Variants in ADISSP observed in about 807,000 individuals in gnomAD.
The protein encoded by ADISSP is adipose-secreted signaling protein.
At chr20:3,758,109 T>G in the ADISSP span, among the ~76,000 whole-genome samples, 1 of 152,236 alleles carries the variant, frequency 6.6e-6, no homozygotes, top group Non-Finnish European at 1.5e-5. This position sits in a 1 kb window ranked among gnomAD's most constrained non-coding sequence, Gnocchi z 5.5. Context: ...ATTGCCATAG[T>G]TAGCTTCACA....
At chr20:3,763,624 C>T in the ADISSP span, among the ~76,000 whole-genome samples, 1 of 151,202 alleles carries the variant, frequency 6.6e-6, no homozygotes, top group Non-Finnish European at 1.5e-5. Context: ...TGAGGTAACA[C>T]TAAGAAATGA....
At chr20:3,767,357 G>T in the ADISSP span, 1 of 152,332 alleles carries the variant, frequency 6.6e-6, no homozygotes, top group Non-Finnish European at 1.5e-5. Context: ...TGGGGAGGAG[G>T]GGGCGCTGAC....
the ADISSP span, chr20:3,754,175 A>T: frequency 1.9e-6 from 3 of 1,599,128 alleles, no homozygotes; most frequent in Non-Finnish European, 2.6e-6. Context: ...GGCAGGGTGC[A>T]AGTCAGTGCC....
At chr20:3,759,431 C>T in the ADISSP span, among the ~76,000 whole-genome samples, 2 of 152,252 alleles carry the variant, frequency 1.3e-5, no homozygotes, top group South Asian at 2.1e-4. The surrounding 1 kb of genome is among the most constrained non-coding windows in gnomAD (Gnocchi z 4.6). Context: ...AGGCGGGAGC[C>T]GAGCTGAAGG....
At chr20:3,754,036 G>A in the ADISSP span, 532 of 1,579,540 alleles carry the variant, frequency 3.4e-4, no homozygotes, top group Non-Finnish European at 4.0e-4. Context: ...TGAGGGGCCC[G>A]GGGCAGGCGG....
the ADISSP span, chr20:3,754,611 G>A: frequency 6.7e-6 from 9 of 1,335,770 alleles, no homozygotes; most frequent in East Asian, 1.9e-4. Flanking sequence ...CCACCATGGG[G>A]GGACTGCATG....
chr20:3,760,177 C>T, the ADISSP span: 1 of 1,232,456 alleles, frequency 8.1e-7, no homozygotes, highest in Non-Finnish European at 1.2e-6. Context: ...CCAGGGACAC[C>T]AGCGGGAGCC....
chr20:3,767,883 C>A, the ADISSP span: 1 of 152,240 alleles, frequency 6.6e-6, no homozygotes, highest in Non-Finnish European at 1.5e-5. Flanking sequence ...TGGCGAGGGC[C>A]GCCTACGTCA....
the ADISSP span, among the ~76,000 whole-genome samples, chr20:3,754,988 G>A: frequency 6.6e-6 from 1 of 152,146 alleles, no homozygotes; most frequent in African/African-American, 2.4e-5. Context: ...ACTGAAGCTG[G>A]AGCTCCACGA....
At chr20:3,765,574 C>G in the ADISSP span, among the ~76,000 whole-genome samples, 1 of 152,214 alleles carries the variant, frequency 6.6e-6, no homozygotes, top group Non-Finnish European at 1.5e-5. Context: ...GGCCTGGTTT[C>G]TAAAGCAACA....
chr20:3,764,931 T>C, the ADISSP span, among the ~76,000 whole-genome samples: 3 of 152,204 alleles, frequency 2.0e-5, no homozygotes, highest in South Asian at 2.1e-4. Flanking sequence ...CTGGGACTCC[T>C]CAGGCCTTGC....
At chr20:3,759,950 C>T in the ADISSP span, 1 of 1,435,774 alleles carries the variant, frequency 7.0e-7, no homozygotes, top group Non-Finnish European at 9.7e-7. This position sits in a 1 kb window ranked among gnomAD's most constrained non-coding sequence, Gnocchi z 4.6. Context: ...CATTCGCACA[C>T]CAGCACACAC....
At chr20:3,755,610 ACAG>A in the ADISSP span, 1 of 1,589,360 alleles carries the variant, frequency 6.3e-7, no homozygotes, top group South Asian at 1.1e-5. Context: ...AAGCCAACCT[ACAG>A]CAGGAGAGGT....
the ADISSP span, chr20:3,760,045 G>T: frequency 1.2e-6 from 2 of 1,613,248 alleles, no homozygotes; most frequent in African/African-American, 2.7e-5. Context: ...CACCGGAAGA[G>T]CTTGTGCAAG....
chr20:3,754,507 T>G, the ADISSP span: 1 of 1,613,834 alleles, frequency 6.2e-7, no homozygotes, highest in South Asian at 1.1e-5. Context: ...GTACTCACAC[T>G]TGACACTATA....
chr20:3,758,348 T>G, the ADISSP span, among the ~76,000 whole-genome samples: 3 of 152,178 alleles, frequency 2.0e-5, no homozygotes, highest in Non-Finnish European at 2.9e-5. The surrounding 1 kb of genome is among the most constrained non-coding windows in gnomAD (Gnocchi z 5.5). Context: ...TTGATCTGGA[T>G]GACATTCTAA....
At chr20:3,764,881 G>T in the ADISSP span, among the ~76,000 whole-genome samples, 1 of 152,342 alleles carries the variant, frequency 6.6e-6, no homozygotes, top group East Asian at 1.9e-4. Context: ...TGCCCTGGGG[G>T]GCACTTCCCT....
At chr20:3,754,587 C>T in the ADISSP span, 10 of 1,534,778 alleles carry the variant, frequency 6.5e-6, no homozygotes, top group African/African-American at 1.4e-5. Flanking sequence ...CTGGCACTCA[C>T]GGGCCCCTAC....
At chr20:3,753,992 C>T in the ADISSP span, 23 of 1,256,080 alleles carry the variant, frequency 1.8e-5, no homozygotes, top group African/African-American at 2.8e-4. Flanking sequence ...CACCATCACG[C>T]AGCATGTCGG....
Sources: allele counts gnomAD v4.1 joint callset (sites outside exome capture counted in the v4.1 genomes callset), GRCh38; gene constraint gnomAD v4.1.1; non-coding constraint Gnocchi (gnomAD v3.1); transcripts MANE v1.5; gene names NCBI Gene and HGNC (gene_info 2026-07-23, HGNC 2026-07-21).